Variants in RIMS2 observed in about 807,000 individuals in gnomAD.
RIMS2 encodes the protein regulating synaptic membrane exocytosis protein 2.
Under a neutral mutation model 174.4 loss-of-function variants are expected in RIMS2, and 59 were observed. That is an observed-to-expected ratio of 0.34 (90% confidence interval 0.27 to 0.42). RIMS2 has a LOEUF of 0.42. RIMS2 is among the 10% of genes least tolerant of loss of function. The probability of loss-of-function intolerance (pLI) is 1.00; values close to 1 mark genes in which losing one functional copy is unlikely to be tolerated. For synonymous variants in RIMS2, 606 were observed against 572.5 expected, an observed-to-expected ratio of 1.06 and a Z score of -0.84; for missense variants, 1,620 against 1,666.3, an observed-to-expected ratio of 0.97 and a Z score of 0.48.
intron 1 of RIMS2, among the ~76,000 whole-genome samples, chr8:103,648,140 A>G (rs1444986684): frequency 6.6e-6 from 1 of 152,034 alleles, no homozygotes; most frequent in East Asian, 1.9e-4. Context: ...TTAGTTTCAA[A>G]GAACTTTCTT....
At chr8:103,951,784 C>T (rs1018782766) in intron 14 of RIMS2, among the ~76,000 whole-genome samples, 5 of 152,190 alleles carry the variant, frequency 3.3e-5, no homozygotes, top group African/African-American at 1.2e-4. Context: ...TGGGCTGAAG[C>T]CAGGGAGCCA....
intron 3 of RIMS2, among the ~76,000 whole-genome samples, chr8:103,787,373 T>C (rs1311464915): frequency 6.6e-6 from 1 of 151,808 alleles, no homozygotes; most frequent in Non-Finnish European, 1.5e-5. Flanking sequence ...GTCTCGATGG[T>C]CTTTACATTT....
At chr8:104,039,052 T>A (rs182875310) in intron 19 of RIMS2, among the ~76,000 whole-genome samples, 9 of 151,586 alleles carry the variant, frequency 5.9e-5, no homozygotes, top group South Asian at 2.1e-4. Context: ...GAAAAAAAAA[T>A]TTTTATTGTT....
At chr8:103,931,443 T>A (rs1339426074) in intron 12 of RIMS2, 50 bp downstream of exon 14, 1 of 1,281,970 alleles carries the variant, frequency 7.8e-7, no homozygotes, top group East Asian at 2.4e-5. Flanking sequence ...TGAGAAAATG[T>A]TCATAGCAAT....
intron 2 of RIMS2, among the ~76,000 whole-genome samples, chr8:103,757,527 G>C (rs757047606): frequency 6.6e-5 from 10 of 151,900 alleles, no homozygotes; most frequent in Non-Finnish European, 1.3e-4. Flanking sequence ...ATTTCCACTT[G>C]TGCTATTGGG....
At chr8:103,538,038 A>G (rs1363553434) in intron 1 of RIMS2, among the ~76,000 whole-genome samples, 1 of 152,198 alleles carries the variant, frequency 6.6e-6, no homozygotes, top group African/African-American at 2.4e-5. Flanking sequence ...TGAGATATTT[A>G]GGATAAACAT....
At chr8:103,776,709 C>G (rs1329499253) in intron 3 of RIMS2, among the ~76,000 whole-genome samples, 4 of 151,918 alleles carry the variant, frequency 2.6e-5, no homozygotes, top group Admixed American at 2.6e-4. Flanking sequence ...CAGAATACAT[C>G]CTTGCAAAAA....
chr8:104,080,977 C>T (rs2097406875), intron 19 of RIMS2, among the ~76,000 whole-genome samples: 1 of 151,962 alleles, frequency 6.6e-6, no homozygotes, highest in Non-Finnish European at 1.5e-5. Flanking sequence ...CTAGGCCTAG[C>T]ACATGGGAAT....
At chr8:104,086,305 A>G (rs1388124787) in intron 19 of RIMS2, among the ~76,000 whole-genome samples, 2 of 143,696 alleles carry the variant, frequency 1.4e-5, no homozygotes, top group Non-Finnish European at 3.0e-5. Flanking sequence ...GTTTTAGTAC[A>G]TGATAGAATG....
Position 104,083,476 on chromosome 8 carries a change from A to G in RIMS2, c.3334+68861A>G, listed in dbSNP as rs1468992692. Among the ~76,000 whole-genome samples the G allele has an allele frequency of 3.3e-5, 5 of 152,272 alleles. No individual in the cohort carries two copies. The East Asian group carries it at 9.7e-4, about 29-fold the overall frequency. On this transcript the variant is annotated intron_variant, in intron 19 of 23. Coordinates refer to ENST00000504942, the Ensembl canonical transcript of RIMS2. ...TATACCCTATATCCCAATCAATTAG[A>G]TAAATATTCTTTAAACATTCATAAA...
intron 1 of RIMS2, among the ~76,000 whole-genome samples, chr8:103,628,324 C>G (rs1422020610): frequency 1.3e-5 from 2 of 150,310 alleles, no homozygotes; most frequent in Non-Finnish European, 3.0e-5. Flanking sequence ...CAAGAGAAAA[C>G]CCCTGGGAGT....
intron 3 of RIMS2, among the ~76,000 whole-genome samples, chr8:103,777,887 T>C (rs2098335638): frequency 6.6e-6 from 1 of 151,884 alleles, no homozygotes; most frequent in African/African-American, 2.4e-5. Context: ...GGGTATAAAC[T>C]GGGTACAAAA....
chr8:103,762,633 C>T (rs1233370814), intron 2 of RIMS2, among the ~76,000 whole-genome samples: 1 of 152,130 alleles, frequency 6.6e-6, no homozygotes, highest in Non-Finnish European at 1.5e-5. Context: ...ATAAGCTAAG[C>T]TGCTTTCTGT....
rs370832339 is a variant in RIMS2 at position 103,564,864 on chromosome 8, A to T, written c.176+63802A>T. On this transcript the variant is annotated intron_variant, in intron 1 of 23. Coordinates refer to ENST00000504942, the Ensembl canonical transcript of RIMS2. ...TGCATCCTTCAATCCAATCAAGTTG[A>T]CACTCAACCATCACGCTGGTCTTAC... is the stretch of plus-strand genomic sequence containing the variant. 1.2e-4 allele frequency among the ~76,000 whole-genome samples: 19 copies of T among 152,336 alleles called. No homozygotes were observed. In the South Asian group the frequency reaches 3.9e-3, roughly 32 times the overall value.
intron 14 of RIMS2, among the ~76,000 whole-genome samples, chr8:103,949,627 T>C (rs1231103811): frequency 2.0e-5 from 3 of 152,102 alleles, no homozygotes; most frequent in Non-Finnish European, 4.4e-5. Context: ...ATTCATGGGA[T>C]ACAACTAAAG....
intron 1 of RIMS2, among the ~76,000 whole-genome samples, chr8:103,533,834 A>T (rs921837012): frequency 6.6e-6 from 1 of 152,178 alleles, no homozygotes; most frequent in Non-Finnish European, 1.5e-5. Context: ...TGCAGAAAAT[A>T]TTTGAATCAT....
intron 3 of RIMS2, among the ~76,000 whole-genome samples, chr8:103,838,892 C>T (rs1033589909): frequency 5.9e-5 from 9 of 152,014 alleles, no homozygotes; most frequent in African/African-American, 1.9e-4. Context: ...GGTGAAACCC[C>T]GTCTCTACTA....
chr8:103,831,989 A>G (rs1463955755), intron 3 of RIMS2, among the ~76,000 whole-genome samples: 1 of 152,168 alleles, frequency 6.6e-6, no homozygotes, highest in African/African-American at 2.4e-5. Context: ...GCTCAGGGAG[A>G]TCACTAGGAT....
At chr8:104,223,646 T>A in intron 19 of RIMS2, 1 of 1,588,144 alleles carries the variant, frequency 6.3e-7, no homozygotes, top group East Asian at 2.3e-5. Flanking sequence ...CGGGTCCTCG[T>A]CCAAGATGGG....
Sources: gnomAD v4.1 joint callset for allele counts (sites outside exome capture counted in the v4.1 genomes callset) on GRCh38, gnomAD v4.1.1 for gene constraint, MANE v1.5 for transcripts, NCBI Gene and HGNC (gene_info 2026-07-23, HGNC 2026-07-21) for gene names.